Variants in SPTBN1 observed in about 807,000 individuals in gnomAD.
SPTBN1 encodes spectrin beta, non-erythrocytic 1.
SPTBN1 carries 32 observed loss-of-function variants against 266.4 expected under a neutral mutation model. That is an observed-to-expected ratio of 0.12 (90% confidence interval 0.09 to 0.16). SPTBN1 has a LOEUF of 0.16. Among genes scored for constraint, SPTBN1 ranks in the 10% least tolerant of loss-of-function variants. The pLI is 1.00. For synonymous variants in SPTBN1, 1,336 were observed against 1,162.2 expected, an observed-to-expected ratio of 1.15 and a Z score of -3.04; for missense variants, 2,296 against 3,067.1, an observed-to-expected ratio of 0.75 and a Z score of 5.94.
In SPTBN1 at chr2:54,655,878, C is replaced by T. The variant is rs774512486; in HGVS notation, c.5962-36C>T. ...CCCATCAAGAGGATGTGGTGCATTC[C>T]ATTAAGATGTCCCGGGGATCCTCTT... On this transcript the variant is annotated intron_variant, in intron 28 of 35. Coordinates refer to ENST00000356805, the MANE Select transcript of SPTBN1 (RefSeq NM_003128.3). The T allele has an allele frequency of 5.2e-6, 8 of 1,537,772 alleles. No homozygotes were observed. In the Admixed American group the frequency reaches 1.3e-4, roughly 26 times the overall value.
At chr2:54,598,026 T>G (rs1676217433) in intron 2 of SPTBN1, among the ~76,000 whole-genome samples, 3 of 152,084 alleles carry the variant, frequency 2.0e-5, no homozygotes, top group Admixed American at 6.5e-5. Context: ...GTAAGAGTGG[T>G]TGGGTCCAGG....
intron 1 of SPTBN1, among the ~76,000 whole-genome samples, chr2:54,484,372 T>C (rs996142745): frequency 6.6e-6 from 1 of 152,222 alleles, no homozygotes; most frequent in Non-Finnish European, 1.5e-5. Flanking sequence ...TCTCCTTCCT[T>C]TCCCATTGTC....
In SPTBN1 at chr2:54,653,795, G is replaced by A; in HGVS notation, c.5764G>A (p.Asp1922Asn). 6.2e-7 allele frequency: 1 copy of A among 1,614,196 alleles called. No homozygotes were observed. The highest frequency in any genetic ancestry group is 8.5e-7 in the Non-Finnish European group (1 of 1,180,028). The change falls in exon 27 of 36, where the codon GAC becomes AAC. Residue 1922 changes from aspartate to asparagine, a missense_variant. This residue lies in a region of SPTBN1 where 644 missense variants were observed against 745.3 expected (regional missense o/e 0.86). Transcript: ENST00000356805. This position sits in a 1 kb window ranked among gnomAD's most constrained non-coding sequence, Gnocchi z 5.1. Reference sequence around the variant, plus strand: ...GTTCCGCTTCTTCAGCATGGTGCGCGACCTCATGCTCTGGATGGAGGATGT... The same window carrying A: ...GTTCCGCTTCTTCAGCATGGTGCGCAACCTCATGCTCTGGATGGAGGATGT... The part of the protein sequence containing the change: ...DKFRFFSMVR[D>N]LMLWMEDVIR...
At chr2:54,623,032 G>A (rs1232201692) in intron 9 of SPTBN1, among the ~76,000 whole-genome samples, 1 of 152,114 alleles carries the variant, frequency 6.6e-6, no homozygotes, top group Non-Finnish European at 1.5e-5. Context: ...AATAAGGATT[G>A]TAGACCTTAT....
intron 1 of SPTBN1, among the ~76,000 whole-genome samples, chr2:54,458,445 G>A (rs768938876): frequency 2.0e-5 from 3 of 152,160 alleles, no homozygotes; most frequent in Non-Finnish European, 4.4e-5. Context: ...GGCTAAATTG[G>A]TATTCAGATT....
rs376647250 is a variant in SPTBN1, at chr2:54,593,546, C to T, written c.149-5546C>T. 6.6e-5 allele frequency among the ~76,000 whole-genome samples: 10 copies of T among 152,066 alleles called. No individual in the cohort carries two copies. In the East Asian group the frequency reaches 1.2e-3, roughly 18 times the overall value. Reference sequence around the variant, plus strand: ...GGTCCTCAGGTGTGATCTTGGATCCCACTTGTACCACATTGTACAGCATTG... The same window carrying T: ...GGTCCTCAGGTGTGATCTTGGATCCTACTTGTACCACATTGTACAGCATTG... On this transcript the variant is annotated intron_variant, in intron 2 of 35. Coordinates refer to ENST00000356805, the MANE Select transcript of SPTBN1 (RefSeq NM_003128.3).
At chr2:54,565,127 A>T (rs1673579864) in intron 2 of SPTBN1, among the ~76,000 whole-genome samples, 3 of 152,126 alleles carry the variant, frequency 2.0e-5, no homozygotes, top group Admixed American at 1.3e-4. Context: ...GGTCCTACCA[A>T]TAAGTGTTTC....
intron 4 of SPTBN1, among the ~76,000 whole-genome samples, chr2:54,613,268 C>T (rs1181366626): frequency 6.6e-6 from 1 of 152,100 alleles, no homozygotes; most frequent in Non-Finnish European, 1.5e-5. Flanking sequence ...TGACTGTGTT[C>T]TCTTGCCATT....
In SPTBN1 at chr2:54,459,863, TC is replaced by T. The variant is rs138697514; in HGVS notation, c.-48+3346del. On this transcript the variant is annotated intron_variant, in intron 1 of 35. Coordinates refer to ENST00000356805, the MANE Select transcript of SPTBN1 (RefSeq NM_003128.3). ...CTTTGCTTTTTCTCAGGGCATCTTTTCTTTGCAAAAGACCTAGTTTAGTACT... is the reference window on the plus strand; with the variant it reads ...CTTTGCTTTTTCTCAGGGCATCTTTTTTTGCAAAAGACCTAGTTTAGTACT... Among the ~76,000 whole-genome samples the T allele has an allele frequency of 6.5e-3, 993 of 152,342 alleles. 13 individuals carry two copies. The highest frequency in any genetic ancestry group is 0.023 in the African/African-American group (962 of 41,580).
rs530314208 is a variant in SPTBN1 at position 54,458,219 on chromosome 2, A to G, written c.-48+1701A>G. Among the ~76,000 whole-genome samples the G allele has an allele frequency of 3.9e-5, 6 of 152,350 alleles. No individual in the cohort carries two copies. In the East Asian group the frequency reaches 7.7e-4, roughly 20 times the overall value. On this transcript the variant is annotated intron_variant, in intron 1 of 35. Transcript: ENST00000356805. ...TAGGAAACCATTTTTAAATGAAATG[A>G]TTAATGCATTTTGGGTTTTATGTCA...
Position 54,649,124 on chromosome 2 carries a change from G to A in SPTBN1, c.5136G>A (p.Gln1712=), listed in dbSNP as rs746376019. The A allele has an allele frequency of 6.2e-7, 1 of 1,613,618 alleles. No individual in the cohort carries two copies. Among genetic ancestry groups the A allele is most frequent in the East Asian group, 2.2e-5 (1 of 44,870 alleles). ...QLNREVDDLE[Q]WIAEREVVAG... is the part of the protein sequence containing the mutation. ...ACCGGGAGGTGGACGACCTGGAGCA[G>A]TGGATCGCTGAGAGGGAGGTGGTCG... The change falls in exon 25 of 36, where the codon CAG becomes CAA. Residue 1712 remains glutamine (Q), a synonymous_variant. Coordinates refer to ENST00000356805, the MANE Select transcript of SPTBN1 (RefSeq NM_003128.3). The surrounding 1 kb of genome is among the most constrained non-coding windows in gnomAD (Gnocchi z 6.7).
rs1035470765 is a variant in SPTBN1, at chr2:54,457,833, G to C, written c.-48+1315G>C. On this transcript the variant is annotated intron_variant, in intron 1 of 35. Coordinates refer to ENST00000356805, the MANE Select transcript of SPTBN1 (RefSeq NM_003128.3). The stretch of plus-strand genomic sequence containing the variant: ...GAGCAGGGGAGAGTCTTTTCTTTTG[G>C]GATGATCCCTCCTGCACCTCTTCTT... 1.5e-3 allele frequency among the ~76,000 whole-genome samples: 232 copies of C among 152,324 alleles called. 1 individual carries two copies. Among genetic ancestry groups the C allele is most frequent in the African/African-American group, 5.4e-3 (226 of 41,578 alleles).
chr2:54,558,368 G>C lies in SPTBN1; in HGVS notation c.148+31802G>C, dbSNP rs1233893896. On this transcript the variant is annotated intron_variant, in intron 2 of 35. Coordinates refer to ENST00000356805, the MANE Select transcript of SPTBN1 (RefSeq NM_003128.3). This position sits in a 1 kb window ranked among gnomAD's most constrained non-coding sequence, Gnocchi z 4.6. ...TGGCTCCTGATAAAATTACAAACCG[G>C]CGGCCGCCGCGGGCAGCTGGGAGGA... 1.0e-6 allele frequency: 1 copy of C among 999,702 alleles called. No individual in the cohort carries two copies. Among genetic ancestry groups the C allele is most frequent in the Non-Finnish European group, 1.2e-6 (1 of 839,374 alleles). The allele number at this position is 999,702 out of a possible 1,614,324, so 61.9% of individuals were successfully genotyped here. A position where few individuals can be genotyped will look rare whatever the true frequency, so the allele number is the denominator to read the frequency against.
At chr2:54,496,998 CATATG>C (rs1669003492) in intron 1 of SPTBN1, among the ~76,000 whole-genome samples, 1 of 152,172 alleles carries the variant, frequency 6.6e-6, no homozygotes, top group Non-Finnish European at 1.5e-5. Context: ...ACAGCTATTA[CATATG>C]ATGATATGCG....
At chr2:54,643,250 C>G (rs150104637) in intron 19 of SPTBN1, 121 bp downstream of exon 19, 963 of 1,412,266 alleles carry the variant, frequency 6.8e-4, no homozygotes, top group Non-Finnish European at 8.6e-4. Flanking sequence ...GTAAGTTACA[C>G]AGCCAGTAAT....
At chr2:54,638,066 C>T (rs1406728499) in intron 18 of SPTBN1, among the ~76,000 whole-genome samples, 2 of 152,194 alleles carry the variant, frequency 1.3e-5, no homozygotes, top group African/African-American at 4.8e-5. Context: ...GCCACAATGT[C>T]TTTATGGTTG....
At chr2:54,508,056 A>G (rs1430820336) in intron 1 of SPTBN1, among the ~76,000 whole-genome samples, 1 of 152,198 alleles carries the variant, frequency 6.6e-6, no homozygotes, top group Admixed American at 6.5e-5. Flanking sequence ...GCCACTGAAG[A>G]TCTTCTATCC....
intron 3 of SPTBN1, among the ~76,000 whole-genome samples, chr2:54,609,968 T>C (rs1208292961): frequency 1.3e-5 from 2 of 151,814 alleles, no homozygotes; most frequent in Non-Finnish European, 2.9e-5. Context: ...AGAGTTAGCC[T>C]ATCCCTTTAT....
At chr2:54,658,188 G>A (rs748090851) in intron 30 of SPTBN1, 142 bp downstream of exon 30, 1 of 1,016,228 alleles carries the variant, frequency 9.8e-7, no homozygotes, top group Non-Finnish European at 1.4e-6. Context: ...TCTTAAAATG[G>A]GTGGCTCCTG....
Sources: gnomAD v4.1 joint callset for allele counts (sites outside exome capture counted in the v4.1 genomes callset) on GRCh38, gnomAD v4.1.1 for gene constraint, gnomAD v4.1.1 regional missense constraint, Gnocchi (gnomAD v3.1) non-coding constraint, MANE v1.5 for transcripts, NCBI Gene and HGNC (gene_info 2026-07-23, HGNC 2026-07-21) for gene names.